Variants in TANC2 observed in about 807,000 individuals in gnomAD.
The protein encoded by TANC2 is protein TANC2.
Under a neutral mutation model 210.5 loss-of-function variants are expected in TANC2, and 26 were observed. The ratio of observed to expected loss-of-function variants is 0.12; its 90% CI spans 0.09 to 0.17. The LOEUF is 0.17. TANC2 is among the 10% of genes least tolerant of loss of function. The probability of loss-of-function intolerance (pLI) is 1.00; values close to 1 mark genes in which losing one functional copy is unlikely to be tolerated. For synonymous variants in TANC2, 931 were observed against 967.1 expected (o/e 0.96, Z 0.69); for missense variants, 2,129 against 2,608.9 (o/e 0.82, Z 4.01).
chr17:63,122,446 T>C (rs1263936397), intron 4 of TANC2, among the ~76,000 whole-genome samples: 3 of 152,172 alleles, frequency 2.0e-5, no homozygotes, highest in Admixed American at 2.0e-4. Context: ...CCAGAAGATA[T>C]GGAAACATGG....
chr17:63,391,295 C>T (rs2047965522), intron 17 of TANC2: 1 of 152,168 alleles, frequency 6.6e-6, no homozygotes, highest in African/African-American at 2.4e-5. Flanking sequence ...ACATTCACCT[C>T]TTTATTACTC....
intron 11 of TANC2, among the ~76,000 whole-genome samples, chr17:63,324,022 C>T (rs139804575): frequency 9.2e-5 from 14 of 152,176 alleles, no homozygotes; most frequent in East Asian, 1.9e-4. Context: ...AGTGTTATTT[C>T]GAAAAATCCA....
At chr17:63,280,448 A>G (rs2044026766) in intron 9 of TANC2, among the ~76,000 whole-genome samples, 2 of 152,084 alleles carry the variant, frequency 1.3e-5, no homozygotes. Context: ...TAAATATCAT[A>G]TCTTCTTAAT....
At chr17:63,271,706 A>G (rs1177634642) in intron 9 of TANC2, among the ~76,000 whole-genome samples, 1 of 148,906 alleles carries the variant, frequency 6.7e-6, no homozygotes. Context: ...GGTTGGCTGC[A>G]TGTTTGTCTT....
intron 9 of TANC2, among the ~76,000 whole-genome samples, chr17:63,288,485 G>T (rs2044290373): frequency 6.6e-6 from 1 of 152,216 alleles, no homozygotes; most frequent in African/African-American, 2.4e-5. Flanking sequence ...AAAAGAATGT[G>T]CATTCTGCCC....
intron 2 of TANC2, among the ~76,000 whole-genome samples, chr17:63,031,865 T>A (rs1023044084): frequency 5.3e-5 from 8 of 152,144 alleles, no homozygotes; most frequent in African/African-American, 1.7e-4. Flanking sequence ...AGGGAAGGAC[T>A]CAATCTCAGA....
rs2045400758 is a variant in TANC2, at chr17:63,318,866, T to C, written c.1442-91T>C. The C allele has an allele frequency of 3.5e-6, 5 of 1,435,790 alleles. No individual in the cohort carries two copies. The East Asian group carries it at 9.3e-5, about 27-fold the overall frequency. The allele number at this position is 1,435,790 out of a possible 1,614,324, so 88.9% of individuals were successfully genotyped here. The stretch of plus-strand genomic sequence containing the variant: ...CTTAAGTATATACTTAGGAGCAGAA[T>C]TGTTAGATCATAGAACAAATGGAAT... On this transcript the variant is annotated intron_variant, in intron 10 of 27. Coordinates refer to ENST00000689528, the Ensembl canonical transcript of TANC2.
intron 5 of TANC2, among the ~76,000 whole-genome samples, chr17:63,187,522 G>A (rs1309581926): frequency 6.7e-6 from 1 of 149,284 alleles, no homozygotes; most frequent in Non-Finnish European, 1.5e-5. Flanking sequence ...ATCTGCCCCA[G>A]AGAGAACAAC....
chr17:63,247,488 T>A (rs1367059481), intron 8 of TANC2, among the ~76,000 whole-genome samples: 1 of 149,632 alleles, frequency 6.7e-6, no homozygotes. Flanking sequence ...CTACTCATGT[T>A]AAAAAAAAAA....
At chr17:63,023,193 A>C (rs2034420078) in intron 2 of TANC2, among the ~76,000 whole-genome samples, 1 of 152,232 alleles carries the variant, frequency 6.6e-6, no homozygotes, top group African/African-American at 2.4e-5. Flanking sequence ...AGCTGTAAGC[A>C]CCAGTGTACA....
Position 63,420,380 on chromosome 17 carries a change from T to G in TANC2, c.4650T>G (p.Phe1550Leu). 6.2e-7 allele frequency: 1 copy of G among 1,613,960 alleles called. No individual in the cohort carries two copies. Among genetic ancestry groups the G allele is most frequent in the South Asian group, 1.1e-5 (1 of 91,082 alleles). The change falls in exon 28 of 28, where the codon TTT becomes TTG. Residue 1550 changes from phenylalanine (F) to leucine (L), a missense_variant. Phe to Leu is a conservative substitution (Grantham distance 22). Transcript: ENST00000689528. This position sits in a 1 kb window ranked among gnomAD's most constrained non-coding sequence, Gnocchi z 4.2. ...CACCTCTTGGCTCTCATCAGGTTTT[T>G]GACTTCCGGTCCAGTAGTTCTGTAG...
chr17:63,390,948 G>A (rs1044562564), intron 17 of TANC2: 7 of 151,914 alleles, frequency 4.6e-5, no homozygotes, highest in African/African-American at 7.3e-5. Flanking sequence ...CACTGTGATC[G>A]AGCTCATCTC....
chr17:63,377,437 C>T (rs2047459929), intron 14 of TANC2, among the ~76,000 whole-genome samples: 1 of 152,152 alleles, frequency 6.6e-6, no homozygotes, highest in Non-Finnish European at 1.5e-5. Context: ...GTTCAAAGTC[C>T]ACAGATCTCT....
intron 2 of TANC2, among the ~76,000 whole-genome samples, chr17:63,016,110 A>T (rs574341751): frequency 6.6e-6 from 1 of 152,348 alleles, no homozygotes; most frequent in African/African-American, 2.4e-5. Flanking sequence ...CAAAGTACGT[A>T]AAACTTAAAC....
intron 2 of TANC2, among the ~76,000 whole-genome samples, chr17:63,065,782 A>G (rs1183239752): frequency 2.0e-5 from 3 of 152,184 alleles, no homozygotes; most frequent in Non-Finnish European, 4.4e-5. Context: ...TTCCTTGTAT[A>G]TTTTGAATAC....
chr17:63,100,135 A>AT (rs2037567006), intron 4 of TANC2, among the ~76,000 whole-genome samples: 1 of 152,204 alleles, frequency 6.6e-6, no homozygotes, highest in South Asian at 2.1e-4. Context: ...GAGGCATGAA[A>AT]TTAAGTTATT....
chr17:63,207,933 G>A (rs142243309), intron 7 of TANC2, among the ~76,000 whole-genome samples: 41 of 152,256 alleles, frequency 2.7e-4, no homozygotes, highest in Non-Finnish European at 5.0e-4. Context: ...TGATATGAAA[G>A]TTATCTAATT....
intron 4 of TANC2, among the ~76,000 whole-genome samples, chr17:63,131,532 G>GT (rs10719381): frequency 2.0e-3 from 293 of 145,752 alleles, no homozygotes; most frequent in Middle Eastern, 3.6e-3. Flanking sequence ...AATTACTTTG[G>GT]TTTTTTTTTT....
chr17:63,205,707 A>G (rs370453309), intron 7 of TANC2, among the ~76,000 whole-genome samples: 1 of 152,146 alleles, frequency 6.6e-6, no homozygotes, highest in East Asian at 1.9e-4. Flanking sequence ...ACCTGAGCTC[A>G]GGAGTTCAAG....
Sources: gnomAD v4.1 joint callset for allele counts (sites outside exome capture counted in the v4.1 genomes callset) on GRCh38, gnomAD v4.1.1 for gene constraint, Gnocchi (gnomAD v3.1) non-coding constraint, MANE v1.5 for transcripts, NCBI Gene and HGNC (gene_info 2026-07-23, HGNC 2026-07-21) for gene names.